ZYG11B: variants seen among roughly 807,000 people sequenced by gnomAD.
ZYG11B encodes zyg-11 family member B, cell cycle regulator.
In ZYG11B, 36 loss-of-function variants were observed where a neutral mutation model predicts 82.4. The observed-to-expected ratio is 0.44, with a 90% CI of 0.33 to 0.58. The LOEUF (loss-of-function observed/expected upper bound fraction) is 0.58, where lower values mean the gene tolerates loss of function less well. Among genes scored for constraint, ZYG11B ranks in the 20% least tolerant of loss-of-function variants. The probability of loss-of-function intolerance (pLI) is 0.02; values close to 1 mark genes in which losing one functional copy is unlikely to be tolerated. For synonymous variants in ZYG11B, 303 were observed against 312.8 expected (o/e 0.97, Z 0.33); for missense variants, 552 against 895.6 (o/e 0.62, Z 4.90).
chr1:52,823,211 T>C lies in ZYG11B; in HGVS notation c.*1582T>C, dbSNP rs982500941. On this transcript the variant is annotated 3_prime_UTR_variant, in exon 14 of 14. Transcript: ENST00000294353. ...GCTCATGCTTGTAATCCCAGCACTT[T>C]GGGAAGCTGAAGCAGGAGGATTGCT... The C allele has an allele frequency of 6.6e-6, 1 of 151,954 alleles. No homozygotes were observed. Among genetic ancestry groups the C allele is most frequent in the African/African-American group, 2.4e-5 (1 of 41,358 alleles). The allele number at this position is 151,954 out of a possible 1,614,324, so 9.4% of individuals were successfully genotyped here.
At chr1:52,762,623 C>A (rs2149933327) in intron 2 of ZYG11B, among the ~76,000 whole-genome samples, 1 of 152,074 alleles carries the variant, frequency 6.6e-6, no homozygotes, top group East Asian at 1.9e-4. Context: ...TCTTGTCACC[C>A]AGGCTGGAGT....
chr1:52,762,986 G>C (rs1249452779), intron 2 of ZYG11B, among the ~76,000 whole-genome samples: 1 of 138,150 alleles, frequency 7.2e-6, no homozygotes, highest in Admixed American at 7.2e-5. Flanking sequence ...TGGGGGGGGG[G>C]GGTCTAGTTT....
intron 2 of ZYG11B, among the ~76,000 whole-genome samples, chr1:52,770,296 T>C (rs1644738785): frequency 6.6e-6 from 1 of 151,938 alleles, no homozygotes; most frequent in Admixed American, 6.6e-5. Flanking sequence ...TTGCTATGTT[T>C]CCCAGGCCTA....
intron 6 of ZYG11B, among the ~76,000 whole-genome samples, chr1:52,794,460 T>C (rs1210338440): frequency 6.6e-6 from 1 of 152,166 alleles, no homozygotes; most frequent in Admixed American, 6.6e-5. Context: ...AAAATAATCA[T>C]TCAGTCAACA....
rs369470086 is a variant in ZYG11B at position 52,772,466 on chromosome 1, T to G, written c.951+692T>G. The G allele has an allele frequency of 2.2e-5, 35 of 1,583,656 alleles. No homozygotes were observed. In the African/African-American group the frequency reaches 4.7e-4, roughly 21 times the overall value. On this transcript the variant is annotated intron_variant, in intron 3 of 13. Coordinates refer to ENST00000294353, the MANE Select transcript of ZYG11B (RefSeq NM_024646.3). ...TATTGCCTGTCACAAAACGTACTTG[T>G]GCAACACCATGTGATTCTCTCACGA...
At chr1:52,793,868 T>TTTGTTTCCTTCCTTCC (rs1553261660) in intron 6 of ZYG11B, among the ~76,000 whole-genome samples, 1 of 95,436 alleles carries the variant, frequency 1.0e-5, no homozygotes, top group African/African-American at 4.2e-5. Context: ...CTTTTCTTTC[T>TTTGTTTCCTTCCTTCC]TTCCTTCCTT....
Position 52,730,991 on chromosome 1 carries a change from G to T in ZYG11B, c.30+4308G>T, listed in dbSNP as rs181822453. Among the ~76,000 whole-genome samples, 5 of 152,230 alleles carry T rather than the reference G, an allele frequency of 3.3e-5. No individual in the cohort carries two copies. In the East Asian group the frequency reaches 9.6e-4, roughly 29 times the overall value. On this transcript the variant is annotated intron_variant, in intron 1 of 13. Coordinates refer to ENST00000294353, the MANE Select transcript of ZYG11B (RefSeq NM_024646.3). ...AGTTATGTAAAGAATAGTCCAGATA[G>T]GCTGGGTGCAGTGGCTCATGCCTGT... is the stretch of plus-strand genomic sequence containing the variant.
At position 52,813,950 on chromosome 1, in the gene ZYG11B, A is replaced by G. The variant is rs765350683; in HGVS notation, c.1946+38A>G. The G allele has an allele frequency of 3.8e-6, 6 of 1,595,802 alleles. No individual in the cohort carries two copies. The South Asian group carries it at 4.4e-5, about 12-fold the overall frequency. ...ATAATTAACAGTAAACCAGCAACCT[A>G]GTCTAGAGATCATTCCTAAGAGTCA... On this transcript the variant is annotated intron_variant, in intron 12 of 13. Coordinates refer to ENST00000294353, the MANE Select transcript of ZYG11B (RefSeq NM_024646.3).
intron 6 of ZYG11B, among the ~76,000 whole-genome samples, chr1:52,792,277 A>G (rs1383243526): frequency 6.6e-6 from 1 of 152,222 alleles, no homozygotes; most frequent in South Asian, 2.1e-4. Flanking sequence ...AATTTTTCAT[A>G]GAAGAGGTGT....
chr1:52,788,227 T>A (rs549637672), intron 5 of ZYG11B, among the ~76,000 whole-genome samples: 6 of 152,030 alleles, frequency 3.9e-5, no homozygotes, highest in African/African-American at 7.2e-5. Context: ...AAAAAAAAAA[T>A]TTAAAGAAAA....
chr1:52,820,628 A>G (rs1645274754), intron 13 of ZYG11B, among the ~76,000 whole-genome samples: 1 of 150,134 alleles, frequency 6.7e-6, no homozygotes, highest in African/African-American at 2.5e-5. Context: ...AGCCTGGGCA[A>G]CACAGCAAGC....
chr1:52,729,510 G>T (rs997857084), intron 1 of ZYG11B, among the ~76,000 whole-genome samples: 2 of 152,096 alleles, frequency 1.3e-5, no homozygotes, highest in Non-Finnish European at 2.9e-5. Flanking sequence ...CCACTTTCTC[G>T]TGCAATATTT....
rs906082603 is a variant in ZYG11B, at chr1:52,753,486, C to A, written c.31-2972C>A. 1.1e-4 allele frequency among the ~76,000 whole-genome samples: 16 copies of A among 149,326 alleles called. No individual in the cohort carries two copies. The Admixed American group carries it at 1.1e-3, about 10-fold the overall frequency. ...CCAGGCTGGCGTGCAATGGCGTGAT[C>A]TTGGCTTATTGCAATCTCCACCTCC... On this transcript the variant is annotated intron_variant, in intron 1 of 13. Transcript: ENST00000294353.
At position 52,771,889 on chromosome 1, in the gene ZYG11B, A is replaced by G. The variant is rs1008436898; in HGVS notation, c.951+115A>G. On this transcript the variant is annotated intron_variant, in intron 3 of 13. Coordinates refer to ENST00000294353, the MANE Select transcript of ZYG11B (RefSeq NM_024646.3). This position sits in a 1 kb window ranked among gnomAD's most constrained non-coding sequence, Gnocchi z 5.4. ...GAACATGTTCATGAAACAGGGCTGC[A>G]TATAGTTGAAAGGCTTAGAGTCCTA... 5.5e-5 allele frequency: 71 copies of G among 1,289,668 alleles called. No individual in the cohort carries two copies. In the African/African-American group the frequency reaches 9.7e-4, roughly 18 times the overall value. 79.9% of individuals were successfully genotyped at this position (1,289,668 alleles called of 1,614,324 possible). A position where few individuals can be genotyped will look rare whatever the true frequency, so the allele number is the denominator to read the frequency against.
intron 3 of ZYG11B, among the ~76,000 whole-genome samples, chr1:52,774,540 C>T (rs7524476): frequency 0.59 from 88,924 of 150,006 alleles, 29,010 homozygotes; most frequent in East Asian, 0.97. Flanking sequence ...ACTCCTGACC[C>T]AGGTGATCTG....
chr1:52,821,370 G>T, intron 13 of ZYG11B, 69 bp from the exon 14 acceptor site: 2 of 1,466,024 alleles, frequency 1.4e-6, no homozygotes, highest in Non-Finnish European at 1.8e-6. Context: ...TTTTTTTGTG[G>T]AATAATTTTC....
chr1:52,819,526 G>C (rs938967778), intron 13 of ZYG11B, among the ~76,000 whole-genome samples: 1 of 151,968 alleles, frequency 6.6e-6, no homozygotes, highest in South Asian at 2.1e-4. Context: ...GGTGGCTCAC[G>C]CCTGTATTCC....
At chr1:52,795,134 G>A (rs893037619) in intron 6 of ZYG11B, among the ~76,000 whole-genome samples, 2 of 152,148 alleles carry the variant, frequency 1.3e-5, no homozygotes, top group East Asian at 1.9e-4. Flanking sequence ...GGGGCCTGGT[G>A]GGAGGTGATT....
rs1644958254 is a variant in ZYG11B at position 52,791,379 on chromosome 1, T to TA, written c.1334+1312_1334+1313insA. On this transcript the variant is annotated intron_variant, in intron 6 of 13. Transcript: ENST00000294353. ...AGCAATTTTTTATTTTATTTTATTT[T>TA]TTTTTTGAGATGGAATTTCACTCTT... Among the ~76,000 whole-genome samples, 7 of 152,224 alleles carry TA rather than the reference T, an allele frequency of 4.6e-5. No homozygotes were observed. The South Asian group carries it at 1.2e-3, about 27-fold the overall frequency.
Sources: allele counts gnomAD v4.1 joint callset (sites outside exome capture counted in the v4.1 genomes callset), GRCh38; gene constraint gnomAD v4.1.1; non-coding constraint Gnocchi (gnomAD v3.1); transcripts MANE v1.5; gene names NCBI Gene and HGNC (gene_info 2026-07-23, HGNC 2026-07-21).